The following PTK2 variants were observed in gnomAD, a reference collection of about 807,000 sequenced individuals.
PTK2 encodes protein tyrosine kinase 2, also known as focal adhesion kinase 1.
A neutral mutation model predicts 150.1 loss-of-function variants in PTK2; 45 were observed. The observed-to-expected ratio is 0.30, with a 90% CI of 0.24 to 0.38. The LOEUF is 0.38. PTK2 is among the 10% of genes least tolerant of loss of function. The pLI is 1.00. For synonymous variants in PTK2, 432 were observed against 449.2 expected (o/e 0.96, Z 0.48); for missense variants, 919 against 1,307.3 (o/e 0.70, Z 4.58).
chr8:140,799,019 A>C (rs997512531), intron 12 of PTK2, among the ~76,000 whole-genome samples: 3 of 152,226 alleles, frequency 2.0e-5, no homozygotes, highest in African/African-American at 7.2e-5. Flanking sequence ...GAATAGGCTT[A>C]TTGGTGTGAT....
At chr8:140,816,640 C>G (rs10090774) in intron 10 of PTK2, among the ~76,000 whole-genome samples, 2 of 152,052 alleles carry the variant, frequency 1.3e-5, no homozygotes, top group Admixed American at 1.3e-4. Flanking sequence ...AGGCAAAGTA[C>G]ATGATATGAG....
chr8:140,719,484 G>A (rs2100041570), intron 22 of PTK2, among the ~76,000 whole-genome samples: 1 of 152,020 alleles, frequency 6.6e-6, no homozygotes, highest in Non-Finnish European at 1.5e-5. Flanking sequence ...GGTCCTGAGA[G>A]GGCCACTCTC....
intron 10 of PTK2, among the ~76,000 whole-genome samples, chr8:140,814,307 A>AGCCAGAATTATTCTG (rs1298411634): frequency 6.6e-6 from 1 of 152,216 alleles, no homozygotes; most frequent in Non-Finnish European, 1.5e-5. Context: ...CATTCTATGA[A>AGCCAGAATTATTCTG]GCCAGAATTA....
At chr8:140,990,480 G>A (rs1408071723) in intron 1 of PTK2, among the ~76,000 whole-genome samples, 4 of 152,098 alleles carry the variant, frequency 2.6e-5, no homozygotes, top group South Asian at 2.1e-4. Flanking sequence ...GGGCTCAAGT[G>A]ATCCTCCCAC....
chr8:140,776,949 A>G (rs1376683178), intron 14 of PTK2, among the ~76,000 whole-genome samples: 1 of 152,206 alleles, frequency 6.6e-6, no homozygotes, highest in Non-Finnish European at 1.5e-5. Flanking sequence ...TCTGGAAGCA[A>G]AAGCAGGGCA....
intron 14 of PTK2, chr8:140,765,049 C>T (rs1410028009): frequency 1.3e-5 from 2 of 152,136 alleles, no homozygotes; most frequent in Non-Finnish European, 2.9e-5. Context: ...CTGAAGAAAA[C>T]AGTCACTCAT....
chr8:140,919,955 T>C (rs1256506732), intron 2 of PTK2, among the ~76,000 whole-genome samples: 2 of 152,140 alleles, frequency 1.3e-5, no homozygotes, highest in African/African-American at 4.8e-5. Flanking sequence ...TAGTACCCAG[T>C]GGTACTAAAA....
chr8:140,953,394 A>C (rs1475370512), intron 1 of PTK2, among the ~76,000 whole-genome samples: 1 of 152,224 alleles, frequency 6.6e-6, no homozygotes, highest in East Asian at 1.9e-4. Flanking sequence ...CCATGATGAA[A>C]TAAACTAAGG....
At chr8:140,866,976 T>C (rs1599461151) in intron 4 of PTK2, among the ~76,000 whole-genome samples, 2 of 152,292 alleles carry the variant, frequency 1.3e-5, no homozygotes, top group Admixed American at 1.3e-4. Flanking sequence ...TACAGTTATA[T>C]GCAGAGAAAA....
At chr8:140,734,898 G>A (rs2100051699) in intron 22 of PTK2, 13 of 425,048 alleles carry the variant, frequency 3.1e-5, no homozygotes, top group South Asian at 2.4e-4. Flanking sequence ...AGTAGGTATT[G>A]CTGGATCACA....
At chr8:140,663,666 C>T (rs2084434642) in intron 31 of PTK2, among the ~76,000 whole-genome samples, 1 of 152,180 alleles carries the variant, frequency 6.6e-6, no homozygotes, top group Non-Finnish European at 1.5e-5. Context: ...TTTGGGTCAA[C>T]TTTTATTCCT....
chr8:140,868,580 G>GT (rs1263743789), intron 4 of PTK2, among the ~76,000 whole-genome samples: 1 of 152,106 alleles, frequency 6.6e-6, no homozygotes, highest in Admixed American at 6.5e-5. Context: ...AATGATCCAA[G>GT]TTAGAACCAC....
chr8:140,805,343 G>A (rs2100097589), intron 10 of PTK2, among the ~76,000 whole-genome samples: 2 of 151,890 alleles, frequency 1.3e-5, no homozygotes, highest in African/African-American at 4.8e-5. Flanking sequence ...GGTGGATCAC[G>A]AGGTCAGGAG....
At chr8:140,697,036 A>G (rs1371569120) in intron 26 of PTK2, among the ~76,000 whole-genome samples, 2 of 139,482 alleles carry the variant, frequency 1.4e-5, no homozygotes, top group African/African-American at 5.3e-5. Flanking sequence ...TGGGAGGCTG[A>G]GGTGGGAGGA....
At chr8:140,748,464 T>C (rs545032247) in intron 17 of PTK2, among the ~76,000 whole-genome samples, 2 of 135,416 alleles carry the variant, frequency 1.5e-5, no homozygotes, top group African/African-American at 5.8e-5. Context: ...CTGCACTCCA[T>C]CCAGCCTGGG....
chr8:140,789,754 C>G (rs1015149014), intron 13 of PTK2, among the ~76,000 whole-genome samples: 4 of 152,094 alleles, frequency 2.6e-5, no homozygotes, highest in African/African-American at 9.7e-5. Context: ...GAGAAAGATA[C>G]TCTTGACAAT....
At chr8:140,752,184 A>T in intron 17 of PTK2, 48 bp downstream of exon 20, 1 of 1,451,970 alleles carries the variant, frequency 6.9e-7, no homozygotes. Context: ...TTTGGATTTC[A>T]CAGATAGAAA....
intron 1 of PTK2, among the ~76,000 whole-genome samples, chr8:140,981,058 C>A (rs1279964369): frequency 1.3e-5 from 2 of 149,172 alleles, no homozygotes; most frequent in Non-Finnish European, 3.0e-5. Context: ...CCGCACCCAG[C>A]CTCTAAAGCT....
chr8:140,778,552 T>C, intron 14 of PTK2, among the ~76,000 whole-genome samples: 1 of 152,154 alleles, frequency 6.6e-6, no homozygotes, highest in East Asian at 1.9e-4. Flanking sequence ...TAAGGAAAGG[T>C]TCAAAGTGGC....
Sources: gnomAD v4.1 joint callset for allele counts (sites outside exome capture counted in the v4.1 genomes callset) on GRCh38, gnomAD v4.1.1 for gene constraint, MANE v1.5 for transcripts, NCBI Gene and HGNC (gene_info 2026-07-23, HGNC 2026-07-21) for gene names.